The following PTPRG variants were observed in gnomAD, a reference collection of about 807,000 sequenced individuals.
PTPRG encodes receptor-type tyrosine-protein phosphatase gamma.
A neutral mutation model predicts 165.3 loss-of-function variants in PTPRG; 102 were observed. The observed-to-expected ratio is 0.62, with a 90% CI of 0.53 to 0.73. PTPRG has a LOEUF of 0.73. Ranked by LOEUF, PTPRG falls within the 30% of genes least tolerant of loss-of-function variation. The pLI is 0.00. For synonymous variants in PTPRG, 675 were observed against 669.5 expected, an observed-to-expected ratio of 1.01 and a Z score of -0.13; for missense variants, 1,866 against 1,861.4, an observed-to-expected ratio of 1.00 and a Z score of -0.05.
chr3:61,664,557 C>T lies in PTPRG; in HGVS notation c.86-84321C>T, dbSNP rs139796926. 1.1e-3 allele frequency among the ~76,000 whole-genome samples: 175 copies of T among 152,314 alleles called. 2 individuals are homozygous for T. Among genetic ancestry groups the T allele is most frequent in the African/African-American group, 3.8e-3 (158 of 41,584 alleles). On this transcript the variant is annotated intron_variant, in intron 1 of 29. Transcript: ENST00000474889. Reference sequence around the variant, plus strand: ...TTAAAAATGCATTGTAAAGGCCTGGCGTGGTTCACACATGTAATCCCAGCA... The same window carrying T: ...TTAAAAATGCATTGTAAAGGCCTGGTGTGGTTCACACATGTAATCCCAGCA...
intron 1 of PTPRG, among the ~76,000 whole-genome samples, chr3:61,680,600 TCAAAAAAAAAAATCATA>T (rs1314742995): frequency 1.5e-3 from 39 of 25,480 alleles, no homozygotes; most frequent in African/African-American, 2.5e-3. Flanking sequence ...ATTCTGTCCT[TCAAAAAAAAAAATCATA>T]CAAAAAAAAT....
chr3:62,013,196 A>G (rs2041467203), intron 4 of PTPRG, among the ~76,000 whole-genome samples: 2 of 152,212 alleles, frequency 1.3e-5, no homozygotes, highest in South Asian at 2.1e-4. Context: ...ACATAAAATC[A>G]ATATAAAAAG....
chr3:61,762,292 A>T (rs1267893583), intron 2 of PTPRG, among the ~76,000 whole-genome samples: 4 of 152,156 alleles, frequency 2.6e-5, no homozygotes, highest in Admixed American at 6.5e-5. Flanking sequence ...CTCAAGGCCA[A>T]TTGAGCTGCA....
intron 1 of PTPRG, among the ~76,000 whole-genome samples, chr3:61,670,459 AT>A (rs751694988): frequency 1.7e-4 from 26 of 152,216 alleles, no homozygotes; most frequent in Non-Finnish European, 3.4e-4. Flanking sequence ...TGTTTAAATT[AT>A]GTCACAGCGC....
At chr3:61,790,492 C>G (rs952930718) in intron 2 of PTPRG, among the ~76,000 whole-genome samples, 2 of 152,124 alleles carry the variant, frequency 1.3e-5, no homozygotes, top group African/African-American at 4.8e-5. Flanking sequence ...AGTGAGTGTA[C>G]TAGAGCTTTT....
rs183464328 is a variant in PTPRG, at chr3:61,916,767, G to A, written c.191-72858G>A. Reference sequence around the variant, plus strand: ...TTATGATGTCCATTTTTCAAATGAAGACACTGAGGTATAGGAATATTAAAT... The same window carrying A: ...TTATGATGTCCATTTTTCAAATGAAAACACTGAGGTATAGGAATATTAAAT... On this transcript the variant is annotated intron_variant, in intron 2 of 29. Transcript: ENST00000474889. Among the ~76,000 whole-genome samples the A allele has an allele frequency of 1.6e-3, 243 of 152,226 alleles. 2 individuals are homozygous for A. Among genetic ancestry groups the A allele is most frequent in the African/African-American group, 5.4e-3 (226 of 41,544 alleles).
At chr3:61,625,920 T>G (rs561267657) in intron 1 of PTPRG, among the ~76,000 whole-genome samples, 1 of 152,158 alleles carries the variant, frequency 6.6e-6, no homozygotes, top group Admixed American at 6.5e-5. Context: ...TCTATGCAAA[T>G]ATTTCAAGCA....
At chr3:61,662,317 A>G (rs1702689417) in intron 1 of PTPRG, among the ~76,000 whole-genome samples, 1 of 152,178 alleles carries the variant, frequency 6.6e-6, no homozygotes, top group South Asian at 2.1e-4. Flanking sequence ...GCCACCTGCC[A>G]TGTTGTGAGG....
intron 2 of PTPRG, among the ~76,000 whole-genome samples, chr3:61,944,301 AC>A (rs2039702694): frequency 6.6e-6 from 1 of 152,176 alleles, no homozygotes; most frequent in South Asian, 2.1e-4. Context: ...TACAGTTTTC[AC>A]ATATTGATGT....
intron 10 of PTPRG, among the ~76,000 whole-genome samples, chr3:62,196,547 T>A (rs1176285697): frequency 3.9e-5 from 6 of 152,178 alleles, no homozygotes; most frequent in African/African-American, 1.2e-4. Context: ...CCAGTCCTGG[T>A]TCCAGTATTA....
intron 1 of PTPRG, among the ~76,000 whole-genome samples, chr3:61,583,289 A>G (rs551080796): frequency 4.1e-4 from 63 of 152,314 alleles, no homozygotes; most frequent in African/African-American, 1.5e-3. Flanking sequence ...GGCATTGTCC[A>G]TGGAGACTGA....
At chr3:61,729,241 A>G (rs2106826994) in intron 1 of PTPRG, among the ~76,000 whole-genome samples, 1 of 152,276 alleles carries the variant, frequency 6.6e-6, no homozygotes, top group South Asian at 2.1e-4. Context: ...CTAAGTGAAG[A>G]TGGCCCACAA....
At chr3:61,830,514 G>C (rs1308352683) in intron 2 of PTPRG, among the ~76,000 whole-genome samples, 2 of 148,684 alleles carry the variant, frequency 1.3e-5, no homozygotes, top group East Asian at 2.0e-4. Flanking sequence ...TCTCATCTTT[G>C]AATCTTCGAC....
chr3:62,196,758 G>T (rs942547982), intron 10 of PTPRG, among the ~76,000 whole-genome samples: 10 of 152,272 alleles, frequency 6.6e-5, no homozygotes, highest in African/African-American at 2.2e-4. Flanking sequence ...AGAAAACCAC[G>T]CCAGGTTAAC....
At chr3:61,964,909 T>TA (rs934435385) in intron 2 of PTPRG, among the ~76,000 whole-genome samples, 1 of 151,886 alleles carries the variant, frequency 6.6e-6, no homozygotes, top group South Asian at 2.1e-4. Context: ...GTTCAGCCTT[T>TA]AAAAAAAATC....
intron 2 of PTPRG, among the ~76,000 whole-genome samples, chr3:61,829,148 T>C (rs2036197418): frequency 6.6e-6 from 1 of 152,214 alleles, no homozygotes; most frequent in Admixed American, 6.5e-5. Context: ...TCAGTATTTG[T>C]TCCGACTCAT....
intron 7 of PTPRG, among the ~76,000 whole-genome samples, chr3:62,157,842 T>C (rs1473530660): frequency 6.6e-6 from 1 of 152,234 alleles, no homozygotes; most frequent in Non-Finnish European, 1.5e-5. Context: ...TTGAGTTCTT[T>C]CTGTGTGCTA....
intron 2 of PTPRG, among the ~76,000 whole-genome samples, chr3:61,842,672 A>G (rs1264496740): frequency 7.1e-6 from 1 of 140,172 alleles, no homozygotes; most frequent in Non-Finnish European, 1.5e-5. Flanking sequence ...TCTCAGGGCA[A>G]TGTATGTGTG....
chr3:61,639,427 T>A (rs1039906437), intron 1 of PTPRG, among the ~76,000 whole-genome samples: 4 of 152,246 alleles, frequency 2.6e-5, no homozygotes, highest in Non-Finnish European at 2.9e-5. Flanking sequence ...TAGAATAGTT[T>A]TTGTTTTAAT....
Sources: allele counts gnomAD v4.1 joint callset (sites outside exome capture counted in the v4.1 genomes callset), GRCh38; gene constraint gnomAD v4.1.1; transcripts MANE v1.5; gene names NCBI Gene and HGNC (gene_info 2026-07-23, HGNC 2026-07-21).